The following PAOX variants were observed in gnomAD, a reference collection of about 807,000 sequenced individuals.
PAOX encodes peroxisomal N(1)-acetyl-spermine/spermidine oxidase.
In PAOX, 38 loss-of-function variants were observed where a neutral mutation model predicts 39.0. The ratio of observed to expected loss-of-function variants is 0.97; its 90% CI spans 0.75 to 1.28. The LOEUF (loss-of-function observed/expected upper bound fraction) is 1.28, where lower values mean the gene tolerates loss of function less well. PAOX is among the 50% of genes most tolerant of loss of function. The pLI is 0.00. For missense variants in PAOX, 667 were observed against 685.7 expected (o/e 0.97, Z 0.30); for synonymous variants, 311 against 314.4 (o/e 0.99, Z 0.11).
At chr10:133,389,177 G>C in intron 5 of PAOX, 109 bp downstream of exon 5, 1 of 862,120 alleles carries the variant, frequency 1.2e-6, no homozygotes, top group Non-Finnish European at 2.0e-6. Flanking sequence ...GGCTGACTCT[G>C]TACATCTCCA....
Position 133,380,216 on chromosome 10 carries a change from G to T in PAOX, c.399G>T (p.Leu133=). The change falls in exon 2 of 7, where the codon CTG becomes CTT. Residue 133 remains leucine (L), a synonymous_variant. Coordinates refer to ENST00000278060, the MANE Select transcript of PAOX (RefSeq NM_152911.4). Reference sequence around the variant, plus strand: ...AGCTGGTGGCGGAGATGGCGACTCTGTTCTACGGCCTGATAGACCAGACCC... The same window carrying T: ...AGCTGGTGGCGGAGATGGCGACTCTTTTCTACGGCCTGATAGACCAGACCC... ...SLQLVAEMAT[L]FYGLIDQTRE... 6.2e-7 allele frequency: 1 copy of T among 1,612,906 alleles called. No individual in the cohort carries two copies.
chr10:133,386,144 C>G (rs1414969412), intron 4 of PAOX, among the ~76,000 whole-genome samples: 2 of 151,888 alleles, frequency 1.3e-5, no homozygotes, highest in African/African-American at 4.8e-5. Flanking sequence ...CCTGCCTCAG[C>G]CTCCCGAGTA....
At chr10:133,380,620 T>A in intron 2 of PAOX, 135 bp downstream of exon 2, 1 of 1,263,048 alleles carries the variant, frequency 7.9e-7, no homozygotes, top group Non-Finnish European at 1.1e-6. Context: ...ACAGACTGGT[T>A]GCTCCTTTCC....
At chr10:133,389,802 G>C in intron 6 of PAOX, 55 bp downstream of exon 6, 2 of 1,401,002 alleles carry the variant, frequency 1.4e-6, no homozygotes, top group Non-Finnish European at 1.8e-6. Flanking sequence ...GGCCCCCGCC[G>C]AGTCTGGGCG....
rs1006359674 is a variant in PAOX at position 133,391,612 on chromosome 10, T to C, written c.*157T>C. ...ACCTTCTCAGTTCTTGTGTCTGTTA[T>C]TGGAGTCTGGCCAGGGTTGACTTGA... On this transcript the variant is annotated 3_prime_UTR_variant, in exon 7 of 7. Coordinates refer to ENST00000278060, the MANE Select transcript of PAOX (RefSeq NM_152911.4). 14 of 1,201,282 alleles carry C rather than the reference T, an allele frequency of 1.2e-5. No individual in the cohort carries two copies. The highest frequency in any genetic ancestry group is 1.6e-5 in the South Asian group (1 of 62,090). The allele number at this position is 1,201,282 out of a possible 1,614,324, so 74.4% of individuals were successfully genotyped here. A position where few individuals can be genotyped will look rare whatever the true frequency, so the allele number is the denominator to read the frequency against.
At chr10:133,389,100 C>A in intron 5 of PAOX, 32 bp downstream of exon 5, 1 of 1,504,888 alleles carries the variant, frequency 6.6e-7, no homozygotes, top group South Asian at 1.1e-5. Context: ...TGGTTCCTGC[C>A]TCTGCTCGTT....
rs758415344 is a variant in PAOX at position 133,384,011 on chromosome 10, A to G, written c.920A>G (p.Glu307Gly). 4 of 1,614,204 alleles carry G rather than the reference A, an allele frequency of 2.5e-6. No homozygotes were observed. In the Admixed American group the frequency reaches 5.0e-5, roughly 20 times the overall value. The change falls in exon 4 of 7, where the codon GAG becomes GGG. Residue 307 changes from glutamate (E) to glycine (G), a missense_variant. Coordinates refer to ENST00000278060, the MANE Select transcript of PAOX (RefSeq NM_152911.4). This position sits in a 1 kb window ranked among gnomAD's most constrained non-coding sequence, Gnocchi z 4.3. ...DTFFDPPLPAEKAEAIRKIGF... is the reference protein window; with the variant it reads ...DTFFDPPLPAGKAEAIRKIGF... ...TTCTTTGACCCTCCCCTGCCGGCTG[A>G]GAAGGCAGAAGCAATCAGGAAGATA... is the stretch of plus-strand genomic sequence containing the variant.
Position 133,381,541 on chromosome 10 carries a change from C to G in PAOX, c.750C>G (p.Ile250Met). The G allele has an allele frequency of 6.2e-7, 1 of 1,613,850 alleles. No individual in the cohort carries two copies. The highest frequency in any genetic ancestry group is 8.5e-7 in the Non-Finnish European group (1 of 1,180,030). The change falls in exon 3 of 7, where the codon ATC becomes ATG. Residue 250 changes from isoleucine to methionine, a missense_variant. Coordinates refer to ENST00000278060, the MANE Select transcript of PAOX (RefSeq NM_152911.4). ...TVVFEKPVKT[I>M]HWNGSFQEAA... ...TTTTTGAGAAGCCTGTGAAGACCAT[C>G]CACTGGAACGGGTCCTTCCAGGAGG... is the stretch of plus-strand genomic sequence containing the variant.
intron 3 of PAOX, among the ~76,000 whole-genome samples, chr10:133,383,134 G>A (rs7911559): frequency 0.86 from 130,231 of 151,422 alleles, 57,504 homozygotes; most frequent in East Asian, 0.97. Context: ...GCAGTGAGCC[G>A]AGATTGTGCC....
intron 6 of PAOX, chr10:133,390,902 A>C (rs1182686616): frequency 1.5e-6 from 1 of 671,818 alleles, no homozygotes; most frequent in East Asian, 2.7e-5. Flanking sequence ...TGTTTTCTCT[A>C]AAAGCTGTTC....
At chr10:133,383,682 G>A (rs1360051610) in intron 3 of PAOX, among the ~76,000 whole-genome samples, 1 of 152,070 alleles carries the variant, frequency 6.6e-6, no homozygotes, top group Non-Finnish European at 1.5e-5. Flanking sequence ...AGAGGCTCAC[G>A]CCTGTAATCC....
At position 133,384,799 on chromosome 10, in the gene PAOX, TAA is replaced by T. The variant is rs1357407410; in HGVS notation, c.1121+588_1121+589del. 2.0e-5 allele frequency among the ~76,000 whole-genome samples: 3 copies of T among 152,156 alleles called. No individual in the cohort carries two copies. Among genetic ancestry groups the T allele is most frequent in the Non-Finnish European group, 2.9e-5 (2 of 68,032 alleles). ...GCCTGATATAGTCAGATGGCAGAAA[TAA>T]TTCCACGTTTCCACTGAGAGATGCC... On this transcript the variant is annotated intron_variant, in intron 4 of 6. Coordinates refer to ENST00000278060, the MANE Select transcript of PAOX (RefSeq NM_152911.4). The surrounding 1 kb of genome is among the most constrained non-coding windows in gnomAD (Gnocchi z 4.3).
In PAOX at chr10:133,381,483, G is replaced by C. The variant is rs768526831; in HGVS notation, c.692G>C (p.Cys231Ser). ...AGGGGCTATCAAGGACTCACAAACT[G>C]CATGATGGCCGCCCTGCCGGAGGAC... ...FSKGYQGLTN[C>S]MMAALPEDTV... Residue 231 changes from cysteine to serine, a missense_variant, in exon 3 of 7, where the codon TGC becomes TCC. Transcript: ENST00000278060. 1 of 1,613,770 alleles carries C rather than the reference G, an allele frequency of 6.2e-7. No homozygotes were observed. The highest frequency in any genetic ancestry group is 1.1e-5 in the South Asian group (1 of 91,084).
rs1156476751 is a variant in PAOX at position 133,384,103 on chromosome 10, C to T, written c.1012C>T (p.Leu338=). The change falls in exon 4 of 7, where the codon CTG becomes TTG. Residue 338 remains leucine, a synonymous_variant. Coordinates refer to ENST00000278060, the MANE Select transcript of PAOX (RefSeq NM_152911.4). This position sits in a 1 kb window ranked among gnomAD's most constrained non-coding sequence, Gnocchi z 4.3. ...EEPFWEPDCQ[L]IQLVWEDTSP... ...GCCCTTCTGGGAGCCAGACTGCCAGCTGATCCAGCTGGTGTGGGAGGACAC... is the reference window on the plus strand; with the variant it reads ...GCCCTTCTGGGAGCCAGACTGCCAGTTGATCCAGCTGGTGTGGGAGGACAC... 6.2e-7 allele frequency: 1 copy of T among 1,614,192 alleles called. No homozygotes were observed. The highest frequency in any genetic ancestry group is 1.1e-5 in the South Asian group (1 of 91,086).
rs1257519143 is a variant in PAOX at position 133,388,964 on chromosome 10, A to T, written c.1130A>T (p.His377Leu). The T allele has an allele frequency of 6.2e-7, 1 of 1,611,140 alleles. No individual in the cohort carries two copies. The highest frequency in any genetic ancestry group is 8.5e-7 in the Non-Finnish European group (1 of 1,178,672). The change falls in exon 5 of 7, where the codon CAC becomes CTC. Residue 377 changes from histidine (H) to leucine (L), a missense_variant. Transcript: ENST00000278060. ...TCTCTTTCTCCATGCAGGTCTGTCCACGTTCTCTGTGGGTTCATTGCCGGA... is the reference window on the plus strand; with the variant it reads ...TCTCTTTCTCCATGCAGGTCTGTCCTCGTTCTCTGTGGGTTCATTGCCGGA... The part of the protein sequence containing the change: ...FVVLPAFASV[H>L]VLCGFIAGLE...
At chr10:133,383,845 A>G (rs1298095949) in intron 3 of PAOX, 115 bp from the exon 4 acceptor site, 2 of 1,332,300 alleles carry the variant, frequency 1.5e-6, no homozygotes, top group African/African-American at 2.9e-5. Flanking sequence ...GCTTGTGTGA[A>G]TGTGTCTGTA....
chr10:133,384,352 C>T lies in PAOX; in HGVS notation c.1121+140C>T. Reference sequence around the variant, plus strand: ...AGGGTTCCCATGAGCGCCCCCCCACCAGGTGCTGGCTGCACCTGGGCCTGA... The same window carrying T: ...AGGGTTCCCATGAGCGCCCCCCCACTAGGTGCTGGCTGCACCTGGGCCTGA... On this transcript the variant is annotated intron_variant, in intron 4 of 6. Coordinates refer to ENST00000278060, the MANE Select transcript of PAOX (RefSeq NM_152911.4). This position sits in a 1 kb window ranked among gnomAD's most constrained non-coding sequence, Gnocchi z 4.3. The T allele has an allele frequency of 1.5e-6, 2 of 1,333,894 alleles. No homozygotes were observed. The highest frequency in any genetic ancestry group is 2.0e-6 in the Non-Finnish European group (2 of 978,874). 82.6% of individuals were successfully genotyped at this position (1,333,894 alleles called of 1,614,324 possible).
chr10:133,381,267 G>T (rs1185475728), intron 2 of PAOX, among the ~76,000 whole-genome samples, 193 bp from the exon 3 acceptor site: 2 of 152,242 alleles, frequency 1.3e-5, no homozygotes, highest in Non-Finnish European at 2.9e-5. Context: ...CTCCCTTACA[G>T]CCTGGAGGGC....
intron 6 of PAOX, chr10:133,390,809 C>T (rs1239687269): frequency 6.7e-6 from 4 of 598,348 alleles, no homozygotes; most frequent in South Asian, 2.0e-5. Context: ...CCTCTGCCCA[C>T]CCGACTCCCA....
Sources: gnomAD v4.1 joint callset for allele counts (sites outside exome capture counted in the v4.1 genomes callset) on GRCh38, gnomAD v4.1.1 for gene constraint, Gnocchi (gnomAD v3.1) non-coding constraint, MANE v1.5 for transcripts, NCBI Gene and HGNC (gene_info 2026-07-23, HGNC 2026-07-21) for gene names.